The following TNKS1BP1 variants were observed in gnomAD, a reference collection of about 807,000 sequenced individuals.
TNKS1BP1 encodes 182 kDa tankyrase-1-binding protein.
TNKS1BP1 carries 48 observed loss-of-function variants against 141.1 expected under a neutral mutation model. The observed-to-expected ratio is 0.34, with a 90% CI of 0.27 to 0.43. The LOEUF is 0.43. Among genes scored for constraint, TNKS1BP1 ranks in the 20% least tolerant of loss-of-function variants. The probability of loss-of-function intolerance (pLI) is 1.00; values close to 1 mark genes in which losing one functional copy is unlikely to be tolerated. For missense variants in TNKS1BP1, 2,149 were observed against 2,226.0 expected (o/e 0.97, Z 0.70); for synonymous variants, 875 against 898.2 (o/e 0.97, Z 0.46).
intron 1 of TNKS1BP1, among the ~76,000 whole-genome samples, 190 bp downstream of exon 1, chr11:57,324,650 C>A (rs1590600503): frequency 6.6e-6 from 1 of 151,836 alleles, no homozygotes; most frequent in East Asian, 2.0e-4. Context: ...TCCGCGCACA[C>A]GCGCCACCTT....
In TNKS1BP1 at chr11:57,313,555, T is replaced by A. The variant is rs755927944; in HGVS notation, c.1133A>T (p.His378Leu). 4 of 1,581,584 alleles carry A rather than the reference T, an allele frequency of 2.5e-6. No individual in the cohort carries two copies. The highest frequency in any genetic ancestry group is 1.8e-5 in the Admixed American group (1 of 55,748). ...GGTGGCAGGGGGCTGATCCAGGCTA[T>A]GGGGCTCCAAGACCTCAGGGGGTGG... ...SSPPPEVLEPHSLDQPPATSP... is the reference protein window; with the variant it reads ...SSPPPEVLEPLSLDQPPATSP... The change falls in exon 5 of 12, where the codon CAT (histidine) becomes CTT (leucine). Residue 378 changes from histidine to leucine, a missense_variant. Coordinates refer to ENST00000358252, the MANE Select transcript of TNKS1BP1 (RefSeq NM_033396.3).
chr11:57,300,939 C>A lies in TNKS1BP1; in HGVS notation c.5074G>T (p.Val1692Phe). The change falls in exon 10 of 12, where the codon GTC (valine) becomes TTC (phenylalanine). Residue 1692 changes from valine (V) to phenylalanine (F), a missense_variant. Val to Phe is a conservative substitution (Grantham distance 50). Transcript: ENST00000358252. Reference sequence around the variant, plus strand: ...GTGAGGGGCTTTCCCAGTCCTGGGACCTTGCAGGATTTCGAACGCTGGACC... The same window carrying A: ...GTGAGGGGCTTTCCCAGTCCTGGGAACTTGCAGGATTTCGAACGCTGGACC... ...SAVQRSKSCK[V>F]PGLGKPLTLP... is the part of the protein sequence containing the mutation. 1 of 1,614,158 alleles carries A rather than the reference C, an allele frequency of 6.2e-7. No individual in the cohort carries two copies. Among genetic ancestry groups the A allele is most frequent in the South Asian group, 1.1e-5 (1 of 91,064 alleles).
chr11:57,324,950 T>G lies in TNKS1BP1; in HGVS notation c.-176A>C, dbSNP rs1033413450. The G allele has an allele frequency of 3.0e-6, 3 of 989,152 alleles. No homozygotes were observed. The highest frequency in any genetic ancestry group is 3.6e-6 in the Non-Finnish European group (3 of 833,292). The allele number at this position is 989,152 out of a possible 1,614,324, so 61.3% of individuals were successfully genotyped here. A position where few individuals can be genotyped will look rare whatever the true frequency, so the allele number is the denominator to read the frequency against. Reference sequence around the variant, plus strand: ...CGCCGTCACCGCGGGACGAAGCCACTGCGAGCCCCGGCGGGGCCCCGCCCC... The same window carrying G: ...CGCCGTCACCGCGGGACGAAGCCACGGCGAGCCCCGGCGGGGCCCCGCCCC... On this transcript the variant is annotated 5_prime_UTR_variant, in exon 1 of 12. Coordinates refer to ENST00000358252, the MANE Select transcript of TNKS1BP1 (RefSeq NM_033396.3).
chr11:57,315,563 C>T (rs979762463), intron 4 of TNKS1BP1, among the ~76,000 whole-genome samples: 32 of 152,068 alleles, frequency 2.1e-4, no homozygotes, highest in Non-Finnish European at 3.8e-4. Context: ...GACCTCAAGC[C>T]GGCCCTAGAG....
At position 57,309,990 on chromosome 11, in the gene TNKS1BP1, T is replaced by A. The variant is rs10896602; in HGVS notation, c.2721A>T (p.Gln907His). Residue 907 changes from glutamine (Q) to histidine (H), a missense_variant, in exon 6 of 12, where the codon CAA becomes CAT. Physicochemically the swap from Gln to His is conservative, Grantham distance 24. Coordinates refer to ENST00000358252, the MANE Select transcript of TNKS1BP1 (RefSeq NM_033396.3). This position sits in a 1 kb window ranked among gnomAD's most constrained non-coding sequence, Gnocchi z 4.3. ...YASQDANEQG[Q>H]DLGKRDHHGR... The stretch of plus-strand genomic sequence containing the variant: ...CATGGTGGTCCCTCTTCCCCAAATC[T>A]TGGCCCTGCTCGTTGGCATCTTGGC... 5 of 1,613,848 alleles carry A rather than the reference T, an allele frequency of 3.1e-6. No individual in the cohort carries two copies. Among genetic ancestry groups the A allele is most frequent in the Non-Finnish European group, 4.2e-6 (5 of 1,179,990 alleles).
At position 57,302,842 on chromosome 11, in the gene TNKS1BP1, G is replaced by T; in HGVS notation, c.4317-17C>A. On this transcript the variant is annotated splice_polypyrimidine_tract_variant and intron_variant, in intron 6 of 11. Transcript: ENST00000358252. The surrounding 1 kb of genome is among the most constrained non-coding windows in gnomAD (Gnocchi z 5.5). ...CTGCCAGGGCTGTAAAGGGGACAGA[G>T]AGAGAACGAGATCATCGTAAGGCCC... The T allele has an allele frequency of 6.7e-7, 1 of 1,502,610 alleles. No individual in the cohort carries two copies. The highest frequency in any genetic ancestry group is 1.3e-5 in the South Asian group (1 of 77,128). The allele number at this position is 1,502,610 out of a possible 1,614,324, so 93.1% of individuals were successfully genotyped here.
At chr11:57,304,420 G>A (rs1407591940) in intron 6 of TNKS1BP1, among the ~76,000 whole-genome samples, 2 of 152,230 alleles carry the variant, frequency 1.3e-5, no homozygotes, top group African/African-American at 4.8e-5. Context: ...GAGCAGCCCT[G>A]GCTGGGGGCC....
Position 57,321,936 on chromosome 11 carries a change from G to A in TNKS1BP1, c.-51C>T, listed in dbSNP as rs370569556. The A allele has an allele frequency of 8.1e-6, 13 of 1,606,840 alleles. No homozygotes were observed. The highest frequency in any genetic ancestry group is 1.7e-5 in the Admixed American group (1 of 58,856). Reference sequence around the variant, plus strand: ...GCGGGGAGGCAGAGAGGTATGAGCTGGGGTGGCTGCAGACCTAGGAAAAGA... The same window carrying A: ...GCGGGGAGGCAGAGAGGTATGAGCTAGGGTGGCTGCAGACCTAGGAAAAGA... On this transcript the variant is annotated 5_prime_UTR_variant, in exon 2 of 12. Coordinates refer to ENST00000358252, the MANE Select transcript of TNKS1BP1 (RefSeq NM_033396.3).
At position 57,320,335 on chromosome 11, in the gene TNKS1BP1, C is replaced by T; in HGVS notation, c.472G>A (p.Ala158Thr). 1 of 1,614,166 alleles carries T rather than the reference C, an allele frequency of 6.2e-7. No homozygotes were observed. Among genetic ancestry groups the T allele is most frequent in the Non-Finnish European group, 8.5e-7 (1 of 1,180,042 alleles). ...GCCAGGATCTCTTCCACCGTGGTGGCCGCGAAGCGCTCTGAGGCTGGGCGG... is the reference window on the plus strand; with the variant it reads ...GCCAGGATCTCTTCCACCGTGGTGGTCGCGAAGCGCTCTGAGGCTGGGCGG... ...PFRPASERFA[A>T]TTVEEILAKM... The change falls in exon 3 of 12, where the codon GCC (alanine) becomes ACC (threonine). Residue 158 changes from alanine (A) to threonine (T), a missense_variant. Ala to Thr is a moderately conservative substitution (Grantham distance 58, BLOSUM62 0). Coordinates refer to ENST00000358252, the MANE Select transcript of TNKS1BP1 (RefSeq NM_033396.3).
At chr11:57,300,751 C>A in intron 10 of TNKS1BP1, 133 bp downstream of exon 10, 1 of 1,491,440 alleles carries the variant, frequency 6.7e-7, no homozygotes, top group African/African-American at 1.4e-5. Context: ...CATCTTCATA[C>A]CGTTCATCTG....
chr11:57,309,960 C>T lies in TNKS1BP1; in HGVS notation c.2751G>A (p.Arg917=), dbSNP rs1342810583. 2 of 1,614,048 alleles carry T rather than the reference C, an allele frequency of 1.2e-6. No individual in the cohort carries two copies. Among genetic ancestry groups the T allele is most frequent in the Admixed American group, 1.7e-5 (1 of 60,016 alleles). ...QDLGKRDHHG[R]YSSQDADEQD... ...GCTCATCGGCATCCTGGCTGCTGTA[C>T]CTACCATGGTGGTCCCTCTTCCCCA... The change falls in exon 6 of 12, where the codon AGG becomes AGA. Residue 917 remains arginine (R), a synonymous_variant. Transcript: ENST00000358252. The surrounding 1 kb of genome is among the most constrained non-coding windows in gnomAD (Gnocchi z 4.3).
chr11:57,317,709 TG>T, intron 4 of TNKS1BP1, 108 bp downstream of exon 4: 1 of 1,176,242 alleles, frequency 8.5e-7, no homozygotes, highest in Non-Finnish European at 1.2e-6. Flanking sequence ...ACTCTCCCCA[TG>T]GGCCTCAGTT....
Position 57,302,006 on chromosome 11 carries a change from C to T in TNKS1BP1, c.4835-63G>A, listed in dbSNP as rs73470602. The stretch of plus-strand genomic sequence containing the variant: ...ACACCCAGACTCCCCGAACCCATAA[C>T]CCCTGCAAAAGCTTGGCCTAATGCC... On this transcript the variant is annotated intron_variant, in intron 8 of 11. Coordinates refer to ENST00000358252, the MANE Select transcript of TNKS1BP1 (RefSeq NM_033396.3). This position sits in a 1 kb window ranked among gnomAD's most constrained non-coding sequence, Gnocchi z 5.5. The T allele has an allele frequency of 1.2e-6, 2 of 1,605,548 alleles. No individual in the cohort carries two copies. Among genetic ancestry groups the T allele is most frequent in the East Asian group, 2.2e-5 (1 of 44,630 alleles).
Position 57,312,789 on chromosome 11 carries a change from G to A in TNKS1BP1, c.1899C>T (p.Leu633=), listed in dbSNP as rs1419612158. 6.2e-6 allele frequency: 10 copies of A among 1,610,546 alleles called. No homozygotes were observed. In the South Asian group the frequency reaches 8.8e-5, roughly 14 times the overall value. ...GTCCAGGCTCAGGGGCATCAGCAAAGAGAACACAGGGCTGGTCAGGGGCTG... is the reference window on the plus strand; with the variant it reads ...GTCCAGGCTCAGGGGCATCAGCAAAAAGAACACAGGGCTGGTCAGGGGCTG... ...QPAAPDQPCV[L]FADAPEPGQA... Residue 633 remains leucine, a synonymous_variant, in exon 5 of 12, where the codon CTC becomes CTT. Transcript: ENST00000358252.
chr11:57,320,213 G>A lies in TNKS1BP1; in HGVS notation c.594C>T (p.Gly198=), dbSNP rs768014607. ...TFNHDGSSRY[G]PRTYGTTTAP... Reference sequence around the variant, plus strand: ...CAGTGGTCGTGCCATAGGTCCTGGGGCCATATCGCGAGCTGCCATCGTGGT... The same window carrying A: ...CAGTGGTCGTGCCATAGGTCCTGGGACCATATCGCGAGCTGCCATCGTGGT... The change falls in exon 3 of 12, where the codon GGC becomes GGT. Residue 198 remains glycine, a synonymous_variant. Coordinates refer to ENST00000358252, the MANE Select transcript of TNKS1BP1 (RefSeq NM_033396.3). 3.7e-6 allele frequency: 6 copies of A among 1,614,214 alleles called. No homozygotes were observed. In the Admixed American group the frequency reaches 8.3e-5, roughly 22 times the overall value.
chr11:57,307,360 C>T (rs1237826971), intron 6 of TNKS1BP1, among the ~76,000 whole-genome samples: 7 of 152,088 alleles, frequency 4.6e-5, no homozygotes, highest in East Asian at 1.9e-4. Context: ...CCCTGTGCTC[C>T]GTCACCACCC....
At chr11:57,306,765 T>C (rs946226548) in intron 6 of TNKS1BP1, among the ~76,000 whole-genome samples, 1 of 152,066 alleles carries the variant, frequency 6.6e-6, no homozygotes, top group East Asian at 1.9e-4. Flanking sequence ...GATGACACTA[T>C]CCTCCTCTTC....
chr11:57,313,550 G>A lies in TNKS1BP1; in HGVS notation c.1138C>T (p.Leu380=). Residue 380 remains leucine (L), a synonymous_variant, in exon 5 of 12, where the codon CTG becomes TTG. Transcript: ENST00000358252. ...PPPEVLEPHS[L]DQPPATSPRP... The stretch of plus-strand genomic sequence containing the variant: ...GGTGAGGTGGCAGGGGGCTGATCCA[G>A]GCTATGGGGCTCCAAGACCTCAGGG... 6.3e-7 allele frequency: 1 copy of A among 1,580,036 alleles called. No individual in the cohort carries two copies. Among genetic ancestry groups the A allele is most frequent in the Non-Finnish European group, 8.6e-7 (1 of 1,164,384 alleles).
Position 57,308,994 on chromosome 11 carries a change from A to T in TNKS1BP1, c.3717T>A (p.Ala1239=). 1 of 1,613,992 alleles carries T rather than the reference A, an allele frequency of 6.2e-7. No individual in the cohort carries two copies. The highest frequency in any genetic ancestry group is 2.2e-5 in the East Asian group (1 of 44,882). ...TGTGGCCTCCTCCCTCCCCGACCTC[A>T]GCCAAATCTTTGCTCTTCACATTAA... is the stretch of plus-strand genomic sequence containing the variant. ...SDVNVKSKDL[A]EVGEGGGHSQ... Residue 1239 remains alanine, a synonymous_variant, in exon 6 of 12, where the codon GCT becomes GCA. Coordinates refer to ENST00000358252, the MANE Select transcript of TNKS1BP1 (RefSeq NM_033396.3).
Sources: allele counts gnomAD v4.1 joint callset (sites outside exome capture counted in the v4.1 genomes callset), GRCh38; gene constraint gnomAD v4.1.1; non-coding constraint Gnocchi (gnomAD v3.1); transcripts MANE v1.5; gene names NCBI Gene and HGNC (gene_info 2026-07-23, HGNC 2026-07-21).